The following CDH12 variants were observed in gnomAD, a reference collection of about 807,000 sequenced individuals.
CDH12 encodes the protein cadherin-12.
CDH12 carries 41 observed loss-of-function variants against 74.1 expected under a neutral mutation model. The observed-to-expected ratio is 0.55, with a 90% confidence interval of 0.43 to 0.72. CDH12 has a LOEUF of 0.72. Ranked by LOEUF, CDH12 falls within the 30% of genes least tolerant of loss-of-function variation. The probability of loss-of-function intolerance (pLI) is 0.00; values close to 1 mark genes in which losing one functional copy is unlikely to be tolerated. For missense variants in CDH12, 945 were observed against 977.2 expected (o/e 0.97, Z 0.44); for synonymous variants, 399 against 355.0 (o/e 1.12, Z -1.39).
chr5:22,169,236 A>G (rs1245128686), intron 4 of CDH12, among the ~76,000 whole-genome samples: 5 of 150,994 alleles, frequency 3.3e-5, no homozygotes, highest in Admixed American at 3.3e-4. Context: ...TCATATTTAT[A>G]TATGCATATA....
At chr5:22,561,240 C>T (rs2113457) in intron 1 of CDH12, among the ~76,000 whole-genome samples, 23,653 of 151,958 alleles carry the variant, frequency 0.16, 2,429 homozygotes, top group East Asian at 0.37. Context: ...AGTGTTATAA[C>T]TGGACTAAGA....
At chr5:22,048,097 C>G (rs575762022) in intron 5 of CDH12, among the ~76,000 whole-genome samples, 98 of 152,092 alleles carry the variant, frequency 6.4e-4, no homozygotes, top group Non-Finnish European at 5.9e-4. Flanking sequence ...CCCTTTTTGC[C>G]TGGACACATA....
chr5:22,059,395 GTA>G (rs1741030947), intron 5 of CDH12, among the ~76,000 whole-genome samples: 1 of 64,392 alleles, frequency 1.6e-5, no homozygotes, highest in Non-Finnish European at 2.7e-5. Flanking sequence ...ATCTATCTAT[GTA>G]TCTACTTTTA....
At chr5:22,287,650 G>A (rs1737212096) in intron 3 of CDH12, among the ~76,000 whole-genome samples, 1 of 151,072 alleles carries the variant, frequency 6.6e-6, no homozygotes, top group African/African-American at 2.4e-5. Context: ...GTGAACCTGG[G>A]AGGCGGAGCT....
At chr5:22,675,810 T>A (rs1279572451) in intron 1 of CDH12, among the ~76,000 whole-genome samples, 2 of 137,616 alleles carry the variant, frequency 1.5e-5, no homozygotes, top group African/African-American at 2.7e-5. Flanking sequence ...ATCAGCAGTG[T>A]GAAAATGAAC....
chr5:22,608,689 G>A (rs999632632), intron 1 of CDH12, among the ~76,000 whole-genome samples: 1 of 152,176 alleles, frequency 6.6e-6, no homozygotes. Context: ...ATGGGTGGGA[G>A]CATGTGGAGA....
chr5:22,509,595 G>C (rs533686088), intron 1 of CDH12, among the ~76,000 whole-genome samples: 93 of 152,252 alleles, frequency 6.1e-4, no homozygotes, highest in African/African-American at 2.1e-3. Flanking sequence ...TACCAACGTT[G>C]TTAATGAAAT....
At chr5:21,809,862 CAT>C (rs1388871659) in intron 9 of CDH12, among the ~76,000 whole-genome samples, 1 of 151,982 alleles carries the variant, frequency 6.6e-6, no homozygotes, top group Non-Finnish European at 1.5e-5. Flanking sequence ...TTGTAAGTAT[CAT>C]AGATGCTTTG....
intron 7 of CDH12, among the ~76,000 whole-genome samples, chr5:21,851,897 T>C (rs774960597): frequency 7.3e-5 from 11 of 151,362 alleles, no homozygotes; most frequent in Non-Finnish European, 1.2e-4. Context: ...TATCTCTTCA[T>C]AAATATTTAG....
At chr5:22,653,698 G>C (rs1031859998) in intron 1 of CDH12, among the ~76,000 whole-genome samples, 1 of 152,156 alleles carries the variant, frequency 6.6e-6, no homozygotes, top group East Asian at 1.9e-4. Flanking sequence ...ATGCAAATTA[G>C]ATCTTGTCAG....
chr5:21,930,469 C>T (rs1472712537), intron 6 of CDH12, among the ~76,000 whole-genome samples: 3 of 152,172 alleles, frequency 2.0e-5, no homozygotes, highest in Non-Finnish European at 4.4e-5. Context: ...CATTTCCCAT[C>T]ATGCCTTTTG....
intron 3 of CDH12, among the ~76,000 whole-genome samples, chr5:22,266,052 T>C (rs1216543320): frequency 1.4e-5 from 2 of 146,632 alleles, no homozygotes; most frequent in Non-Finnish European, 3.0e-5. Flanking sequence ...TTTATTTATT[T>C]ATTTATTTAT....
chr5:22,485,496 A>G (rs1294958166), intron 2 of CDH12, among the ~76,000 whole-genome samples: 2 of 152,216 alleles, frequency 1.3e-5, no homozygotes, highest in Non-Finnish European at 2.9e-5. Context: ...TTCTTAAAAT[A>G]TATTTTTCAT....
intron 2 of CDH12, among the ~76,000 whole-genome samples, chr5:22,419,311 C>T (rs1053032610): frequency 6.6e-6 from 1 of 152,116 alleles, no homozygotes; most frequent in African/African-American, 2.4e-5. Flanking sequence ...CCTTCCCCTG[C>T]ACCCCCTGAC....
chr5:22,830,892 TAAC>T (rs1317078749), intron 1 of CDH12, among the ~76,000 whole-genome samples: 1 of 151,642 alleles, frequency 6.6e-6, no homozygotes, highest in Non-Finnish European at 1.5e-5. Flanking sequence ...TAAACACTGA[TAAC>T]AAACTTAAAT....
chr5:21,872,514 C>G (rs1233575321), intron 6 of CDH12, among the ~76,000 whole-genome samples: 3 of 152,088 alleles, frequency 2.0e-5, no homozygotes, highest in Non-Finnish European at 4.4e-5. Context: ...TTCATACTTG[C>G]TGTTAGGAAA....
At chr5:22,558,053 A>G (rs980832913) in intron 1 of CDH12, among the ~76,000 whole-genome samples, 1 of 152,092 alleles carries the variant, frequency 6.6e-6, no homozygotes, top group Non-Finnish European at 1.5e-5. Flanking sequence ...CATGGGGAGA[A>G]TAAAGAAGCC....
intron 11 of CDH12, 115 bp downstream of exon 11, chr5:21,783,243 C>G (rs957573089): frequency 1.0e-5 from 9 of 883,006 alleles, no homozygotes; most frequent in Non-Finnish European, 1.2e-5. Context: ...AGTTTCCCCG[C>G]GAGACCACTC....
At chr5:22,843,960 TG>T (rs1561071192) in intron 1 of CDH12, among the ~76,000 whole-genome samples, 1 of 152,058 alleles carries the variant, frequency 6.6e-6, no homozygotes, top group African/African-American at 2.4e-5. Flanking sequence ...TCTTTTTGCA[TG>T]TTTTTGTATT....
Sources: allele counts gnomAD v4.1 joint callset (sites outside exome capture counted in the v4.1 genomes callset), GRCh38; gene constraint gnomAD v4.1.1; transcripts MANE v1.5; gene names NCBI Gene and HGNC (gene_info 2026-07-23, HGNC 2026-07-21).